The following PLEKHH2 variants were observed in gnomAD, a reference collection of about 807,000 sequenced individuals.
PLEKHH2 encodes pleckstrin homology domain-containing family H member 2.
In PLEKHH2, 129 loss-of-function variants were observed where a neutral mutation model predicts 187.9. That is an observed-to-expected ratio of 0.69 (90% confidence interval 0.59 to 0.79). PLEKHH2 has a LOEUF of 0.79. Ranked by LOEUF, PLEKHH2 falls within the 30% of genes least tolerant of loss-of-function variation. The pLI is 0.00. For missense variants in PLEKHH2, 2,076 were observed against 1,751.2 expected (o/e 1.19, Z -3.31); for synonymous variants, 686 against 605.6 (o/e 1.13, Z -1.95).
chr2:43,676,172 T>A, intron 2 of PLEKHH2: 1 of 1,614,030 alleles, frequency 6.2e-7, no homozygotes, highest in Non-Finnish European at 8.5e-7. Context: ...AAGAAATCGT[T>A]CCTGTTAGGT....
chr2:43,649,698 T>C (rs943379807), intron 2 of PLEKHH2, among the ~76,000 whole-genome samples: 2 of 152,254 alleles, frequency 1.3e-5, no homozygotes, highest in African/African-American at 2.4e-5. Flanking sequence ...TAGGCTAATT[T>C]AAATGTCACA....
chr2:43,640,441 A>G (rs1574460059), intron 1 of PLEKHH2, among the ~76,000 whole-genome samples: 1 of 152,002 alleles, frequency 6.6e-6, no homozygotes, highest in Non-Finnish European at 1.5e-5. Flanking sequence ...GAATTCTCCA[A>G]CCTCAGCCTC....
intron 3 of PLEKHH2, among the ~76,000 whole-genome samples, chr2:43,682,066 C>A (rs941938593): frequency 6.6e-6 from 1 of 152,112 alleles, no homozygotes; most frequent in Non-Finnish European, 1.5e-5. Flanking sequence ...CCCCTGCCCC[C>A]CTCACACTGG....
chr2:43,672,818 C>T (rs900885414), intron 2 of PLEKHH2, among the ~76,000 whole-genome samples: 5 of 152,140 alleles, frequency 3.3e-5, no homozygotes, highest in African/African-American at 1.2e-4. Context: ...GGTGCCTCAT[C>T]ATATATGATG....
intron 19 of PLEKHH2, among the ~76,000 whole-genome samples, chr2:43,735,880 A>G (rs1038659440): frequency 1.3e-5 from 2 of 152,208 alleles, no homozygotes; most frequent in African/African-American, 2.4e-5. Flanking sequence ...TTTAACATTT[A>G]TAGAATAGCA....
At chr2:43,649,025 G>A (rs1666339822) in intron 2 of PLEKHH2, among the ~76,000 whole-genome samples, 1 of 152,122 alleles carries the variant, frequency 6.6e-6, no homozygotes, top group Non-Finnish European at 1.5e-5. Flanking sequence ...GATAATACAT[G>A]GGATCTTTTA....
intron 3 of PLEKHH2, among the ~76,000 whole-genome samples, chr2:43,685,675 C>A (rs575822577): frequency 2.7e-5 from 4 of 149,528 alleles, no homozygotes; most frequent in African/African-American, 9.8e-5. Context: ...CTTGTCAGCT[C>A]AAGCAATCCT....
chr2:43,678,811 G>T (rs1183780044), intron 2 of PLEKHH2, 52 bp from the exon 3 acceptor site: 2 of 1,374,564 alleles, frequency 1.5e-6, no homozygotes, highest in Non-Finnish European at 2.0e-6. Flanking sequence ...TTTCAGAAAG[G>T]CTCATTTTTC....
intron 2 of PLEKHH2, chr2:43,675,488 T>A: frequency 6.2e-7 from 1 of 1,613,916 alleles, no homozygotes; most frequent in Non-Finnish European, 8.5e-7. Flanking sequence ...TTTTGGGGGG[T>A]CAGTCCATTG....
At position 43,683,155 on chromosome 2, in the gene PLEKHH2, T is replaced by G. The variant is rs955318991; in HGVS notation, c.186+4230T>G. Among the ~76,000 whole-genome samples, 165 of 148,118 alleles carry G rather than the reference T, an allele frequency of 1.1e-3. 2 individuals carry two copies. Among genetic ancestry groups the G allele is most frequent in the African/African-American group, 3.9e-3 (159 of 40,288 alleles). On this transcript the variant is annotated intron_variant, in intron 3 of 29. Transcript: ENST00000282406. ...TATTTATATACCCTTTTTTTTTTTT[T>G]TTTTTTTGAGATGGAGTTTTGCTCT...
intron 2 of PLEKHH2, among the ~76,000 whole-genome samples, chr2:43,672,907 G>A (rs949447557): frequency 1.3e-5 from 2 of 152,072 alleles, no homozygotes; most frequent in Admixed American, 1.3e-4. Flanking sequence ...CATAAAAACA[G>A]GCACACGTAA....
chr2:43,691,226 C>A (rs566974490), intron 3 of PLEKHH2, among the ~76,000 whole-genome samples: 5 of 152,312 alleles, frequency 3.3e-5, no homozygotes, highest in African/African-American at 7.2e-5. Context: ...GTTGCACGGA[C>A]ACTCAAAGAA....
intron 8 of PLEKHH2, among the ~76,000 whole-genome samples, chr2:43,702,915 T>G (rs1434610780): frequency 6.6e-6 from 1 of 152,032 alleles, no homozygotes; most frequent in African/African-American, 2.4e-5. Flanking sequence ...TCCAGTCCCC[T>G]CTCTCTAATT....
intron 14 of PLEKHH2, chr2:43,711,189 GAA>G: frequency 1.0e-6 from 1 of 985,488 alleles, no homozygotes; most frequent in Non-Finnish European, 1.2e-6. Flanking sequence ...CTTTATTTCT[GAA>G]ATGTCTTCAA....
intron 2 of PLEKHH2, among the ~76,000 whole-genome samples, chr2:43,668,709 C>T (rs902798813): frequency 1.3e-5 from 2 of 152,164 alleles, no homozygotes; most frequent in African/African-American, 4.8e-5. Flanking sequence ...ACAATGGTAC[C>T]TGTCTGTAGT....
chr2:43,712,384 G>A lies in PLEKHH2; in HGVS notation c.2460+1G>A, dbSNP rs764563206. 3.1e-6 allele frequency: 5 copies of A among 1,613,844 alleles called. No individual in the cohort carries two copies. Among genetic ancestry groups the A allele is most frequent in the Admixed American group, 1.7e-5 (1 of 59,968 alleles). On this transcript the variant is annotated splice_donor_variant, in intron 15 of 29. Coordinates refer to ENST00000282406, the MANE Select transcript of PLEKHH2 (RefSeq NM_172069.4). LOFTEE classifies it high-confidence loss of function. The stretch of plus-strand genomic sequence containing the variant: ...CACCATGAAGGGATTGCTCACTAAG[G>A]TAGGAACCTCCTGTGCATAGCAATG...
intron 3 of PLEKHH2, chr2:43,681,625 AT>A (rs1456988143): frequency 4.4e-6 from 3 of 683,042 alleles, no homozygotes; most frequent in African/African-American, 3.6e-5. Flanking sequence ...ATGACACAAT[AT>A]GCATTTTTGT....
chr2:43,726,520 A>G lies in PLEKHH2; in HGVS notation c.2721+69A>G, dbSNP rs1022549395. The G allele has an allele frequency of 5.6e-6, 8 of 1,416,102 alleles. No individual in the cohort carries two copies. The African/African-American group carries it at 1.0e-4, about 18-fold the overall frequency. 87.7% of individuals were successfully genotyped at this position (1,416,102 alleles called of 1,614,324 possible). ...TATTATTCAGATATTGGTAATAATT[A>G]TCAAATCAATTTAATGGAAATAAGG... On this transcript the variant is annotated intron_variant, in intron 17 of 29. Transcript: ENST00000282406.
intron 19 of PLEKHH2, among the ~76,000 whole-genome samples, chr2:43,736,010 C>T (rs1056756738): frequency 1.3e-5 from 2 of 152,004 alleles, no homozygotes; most frequent in Non-Finnish European, 2.9e-5. Flanking sequence ...AGATATGCCC[C>T]ATTATTTTTT....
Sources: gnomAD v4.1 joint callset for allele counts (sites outside exome capture counted in the v4.1 genomes callset) on GRCh38, gnomAD v4.1.1 for gene constraint, MANE v1.5 for transcripts, NCBI Gene and HGNC (gene_info 2026-07-23, HGNC 2026-07-21) for gene names.